The following PTK2 variants were observed in gnomAD, a reference collection of about 807,000 sequenced individuals.
PTK2 encodes the protein protein tyrosine kinase 2, also known as focal adhesion kinase 1.
PTK2 carries 45 observed loss-of-function variants against 150.1 expected under a neutral mutation model. The observed-to-expected ratio is 0.30, with a 90% CI of 0.24 to 0.38. The LOEUF (loss-of-function observed/expected upper bound fraction) is 0.38. Among genes scored for constraint, PTK2 ranks in the 10% least tolerant of loss-of-function variants. The pLI is 1.00. For missense variants in PTK2, 919 were observed against 1,307.3 expected, an observed-to-expected ratio of 0.70 and a Z score of 4.58; for synonymous variants, 432 against 449.2, an observed-to-expected ratio of 0.96 and a Z score of 0.48.
Position 140,995,064 on chromosome 8 carries a change from C to A in PTK2, c.-122+6061G>T, listed in dbSNP as rs112799914. Among the ~76,000 whole-genome samples the A allele has an allele frequency of 3.1e-3, 411 of 133,870 alleles. 4 individuals are homozygous for A. The highest frequency in any genetic ancestry group is 0.026 in the Middle Eastern group (6 of 228). 87.8% of individuals were successfully genotyped at this position (133,870 alleles called of 152,430 possible). On this transcript the variant is annotated intron_variant, in intron 1 of 31. Coordinates refer to ENST00000522684, the Ensembl canonical transcript of PTK2. ...CGCCATTGCACTCCATCCTGGGCAA[C>A]AAGAGTGAAACTCTGTCTCAAAAAA...
intron 17 of PTK2, among the ~76,000 whole-genome samples, chr8:140,750,651 AG>A (rs1175408161): frequency 6.6e-6 from 1 of 152,226 alleles, no homozygotes; most frequent in Non-Finnish European, 1.5e-5. Context: ...AGGGCAGGTA[AG>A]GAAGAGCTTG....
chr8:140,953,702 G>T (rs868836746), intron 1 of PTK2, among the ~76,000 whole-genome samples: 1 of 152,082 alleles, frequency 6.6e-6, no homozygotes, highest in African/African-American at 2.4e-5. Context: ...ACCACAGACT[G>T]GGGGGAGGGA....
chr8:140,987,346 A>G (rs1340799358), intron 1 of PTK2, among the ~76,000 whole-genome samples: 4 of 152,028 alleles, frequency 2.6e-5, no homozygotes, highest in African/African-American at 4.8e-5. Flanking sequence ...ATGCCCAGCT[A>G]ATTTTTGTAT....
chr8:140,844,606 C>T (rs2100124240), intron 7 of PTK2, among the ~76,000 whole-genome samples: 1 of 152,120 alleles, frequency 6.6e-6, no homozygotes, highest in Non-Finnish European at 1.5e-5. Context: ...CATCGTTTTG[C>T]TTTTTGAGCA....
At chr8:140,715,427 C>T (rs2100039176) in intron 23 of PTK2, among the ~76,000 whole-genome samples, 1 of 152,014 alleles carries the variant, frequency 6.6e-6, no homozygotes, top group South Asian at 2.1e-4. Context: ...TCGCCTCGGC[C>T]TCCCAAAGTG....
intron 1 of PTK2, among the ~76,000 whole-genome samples, chr8:140,963,258 C>G (rs1011332934): frequency 1.2e-4 from 18 of 152,124 alleles, no homozygotes; most frequent in African/African-American, 4.3e-4. Context: ...CTTAGGAGTA[C>G]TCAGTCCTCA....
chr8:140,915,353 A>G (rs913219440), intron 2 of PTK2, among the ~76,000 whole-genome samples: 21 of 152,068 alleles, frequency 1.4e-4, no homozygotes, highest in Non-Finnish European at 2.5e-4. Context: ...GCTTGAGCCT[A>G]GGAGTTTGAG....
At chr8:140,837,319 A>G (rs1393003060) in intron 7 of PTK2, among the ~76,000 whole-genome samples, 1 of 152,230 alleles carries the variant, frequency 6.6e-6, no homozygotes, top group South Asian at 2.1e-4. Context: ...CATGAAAAGA[A>G]AGACTGATGA....
chr8:140,715,155 GTTTTTTTTT>G lies in PTK2; in HGVS notation c.2142+2434_2142+2442del, dbSNP rs67306225. On this transcript the variant is annotated intron_variant, in intron 23 of 31. Transcript: ENST00000522684. ...AGATGATTTTCTAGCCATTAAAACC[GTTTTTTTTT>G]TTTTTTTTTTTTTTTTTTTTTTTTT... 6.1e-3 allele frequency among the ~76,000 whole-genome samples: 343 copies of G among 56,008 alleles called. 22 individuals are homozygous for G. Among genetic ancestry groups the G allele is most frequent in the African/African-American group, 0.02 (315 of 15,588 alleles). 36.7% of individuals were successfully genotyped at this position (56,008 alleles called of 152,430 possible). A position where few individuals can be genotyped will look rare whatever the true frequency, so the allele number is the denominator to read the frequency against.
intron 1 of PTK2, among the ~76,000 whole-genome samples, chr8:140,937,143 G>A (rs959192375): frequency 6.6e-6 from 1 of 152,076 alleles, no homozygotes; most frequent in African/African-American, 2.4e-5. Flanking sequence ...TGTAGTACAG[G>A]TGTCATTAAA....
rs2100096512 is a variant in PTK2 at position 140,803,533 on chromosome 8, A to G, written c.975+10T>C. The stretch of plus-strand genomic sequence containing the variant: ...ATTTTCCCTTAATGATGAACGTAAC[A>G]GTTCCTTACCTCGGGTGCACCTGCT... On this transcript the variant is annotated intron_variant, in intron 11 of 31. Coordinates refer to ENST00000522684, the Ensembl canonical transcript of PTK2. The G allele has an allele frequency of 1.3e-6, 2 of 1,591,902 alleles. No homozygotes were observed. Among genetic ancestry groups the G allele is most frequent in the East Asian group, 2.2e-5 (1 of 44,776 alleles).
At chr8:140,767,260 C>CTTTT (rs56135573) in intron 14 of PTK2, among the ~76,000 whole-genome samples, 1 of 147,312 alleles carries the variant, frequency 6.8e-6, no homozygotes, top group Non-Finnish European at 1.5e-5. Flanking sequence ...AAATTTCTTT[C>CTTTT]TTTTTTTTTT....
rs899385980 is a variant in PTK2 at position 140,678,652 on chromosome 8, C to T, written c.2563-3153G>A. 3.3e-5 allele frequency among the ~76,000 whole-genome samples: 5 copies of T among 152,164 alleles called. No individual in the cohort carries two copies. The South Asian group carries it at 1.0e-3, about 31-fold the overall frequency. ...TACAGGTGTGAGCCACTACTCCAGA[C>T]CAAAGCTGCAGTTTTAAGTAGGAAG... On this transcript the variant is annotated intron_variant, in intron 27 of 31. Transcript: ENST00000522684.
chr8:140,922,281 A>G (rs2100167762), intron 2 of PTK2, among the ~76,000 whole-genome samples: 1 of 152,022 alleles, frequency 6.6e-6, no homozygotes, highest in African/African-American at 2.4e-5. Context: ...GACCTCTTCT[A>G]TGCTCCACTG....
At chr8:140,747,015 C>G (rs902066347) in intron 17 of PTK2, 155 bp from the exon 21 acceptor site, 2 of 552,336 alleles carry the variant, frequency 3.6e-6, no homozygotes, top group South Asian at 4.4e-5. Context: ...CTCAGCCTCC[C>G]GAGTAGCTGG....
At chr8:140,939,897 C>A (rs1001913407) in intron 1 of PTK2, among the ~76,000 whole-genome samples, 4 of 151,990 alleles carry the variant, frequency 2.6e-5, no homozygotes, top group Non-Finnish European at 5.9e-5. Flanking sequence ...AAATTTACAT[C>A]AAAATCTAGG....
At chr8:140,667,141 A>G (rs948418208) in intron 30 of PTK2, among the ~76,000 whole-genome samples, 4 of 152,190 alleles carry the variant, frequency 2.6e-5, no homozygotes, top group Non-Finnish European at 5.9e-5. Context: ...GTTGTTTCAA[A>G]TGCACAGTTT....
At chr8:140,992,378 G>A (rs1010971006) in intron 1 of PTK2, among the ~76,000 whole-genome samples, 4 of 152,072 alleles carry the variant, frequency 2.6e-5, no homozygotes, top group Non-Finnish European at 4.4e-5. Flanking sequence ...GCAGAAGCAG[G>A]AGAATTGCTT....
At chr8:140,715,827 G>C (rs972513119) in intron 23 of PTK2, among the ~76,000 whole-genome samples, 2 of 151,872 alleles carry the variant, frequency 1.3e-5, no homozygotes, top group Non-Finnish European at 2.9e-5. Flanking sequence ...AGCCAATCTA[G>C]TCTTTGTACT....
Sources: allele counts gnomAD v4.1 joint callset (sites outside exome capture counted in the v4.1 genomes callset), GRCh38; gene constraint gnomAD v4.1.1; transcripts MANE v1.5; gene names NCBI Gene and HGNC (gene_info 2026-07-23, HGNC 2026-07-21).